Variants in RABGAP1L observed in about 807,000 individuals in gnomAD.
RABGAP1L encodes the protein rab GTPase-activating protein 1-like.
A neutral mutation model predicts 137.7 loss-of-function variants in RABGAP1L; 63 were observed. The observed-to-expected ratio is 0.46, with a 90% confidence interval of 0.37 to 0.56. The LOEUF (loss-of-function observed/expected upper bound fraction) is 0.56, where lower values mean the gene tolerates loss of function less well. RABGAP1L is among the 20% of genes least tolerant of loss of function. The pLI is 0.00. For synonymous variants in RABGAP1L, 431 were observed against 433.7 expected, an observed-to-expected ratio of 0.99 and a Z score of 0.08; for missense variants, 1,095 against 1,244.0, an observed-to-expected ratio of 0.88 and a Z score of 1.80.
intron 17 of RABGAP1L, among the ~76,000 whole-genome samples, chr1:174,743,895 CTG>C (rs980796451): frequency 1.3e-5 from 2 of 151,534 alleles, no homozygotes; most frequent in African/African-American, 2.4e-5. Context: ...TATGAAAAAA[CTG>C]TATAACAAAT....
intron 19 of RABGAP1L, among the ~76,000 whole-genome samples, chr1:174,885,320 A>G (rs557179760): frequency 6.6e-6 from 1 of 152,214 alleles, no homozygotes; most frequent in Admixed American, 6.5e-5. Flanking sequence ...AATTGTCAAT[A>G]TATGTAAAGC....
chr1:174,522,987 G>T (rs147004075), intron 13 of RABGAP1L, among the ~76,000 whole-genome samples: 1 of 152,296 alleles, frequency 6.6e-6, no homozygotes, highest in African/African-American at 2.4e-5. Context: ...ACATCCAGAC[G>T]ATATTAGCTG....
At chr1:174,778,143 G>A (rs1472061922) in intron 18 of RABGAP1L, among the ~76,000 whole-genome samples, 3 of 151,982 alleles carry the variant, frequency 2.0e-5, no homozygotes, top group African/African-American at 7.2e-5. Flanking sequence ...CAGTGATAAA[G>A]GTAAAATCTT....
chr1:174,749,088 A>G (rs1381960334), intron 17 of RABGAP1L, among the ~76,000 whole-genome samples: 1 of 151,670 alleles, frequency 6.6e-6, no homozygotes, highest in Non-Finnish European at 1.5e-5. Flanking sequence ...AGGCACAAGA[A>G]TCGCCTGAAC....
At chr1:174,421,345 C>T (rs1248895980) in intron 13 of RABGAP1L, among the ~76,000 whole-genome samples, 2 of 152,058 alleles carry the variant, frequency 1.3e-5, no homozygotes, top group African/African-American at 4.8e-5. Context: ...TTCACATTTC[C>T]ATCTTTGTTT....
chr1:174,529,698 G>A (rs913524006), intron 13 of RABGAP1L, among the ~76,000 whole-genome samples: 14 of 152,288 alleles, frequency 9.2e-5, no homozygotes, highest in South Asian at 2.1e-4. Flanking sequence ...GGCAGCTAGT[G>A]TGGCATGGGC....
chr1:174,654,388 C>G (rs1247559996), intron 14 of RABGAP1L, among the ~76,000 whole-genome samples: 1 of 152,176 alleles, frequency 6.6e-6, no homozygotes, highest in East Asian at 1.9e-4. Context: ...CATATAAACC[C>G]TAAAAGAGCA....
chr1:174,723,811 C>T (rs1160714779), intron 17 of RABGAP1L, among the ~76,000 whole-genome samples: 2 of 152,152 alleles, frequency 1.3e-5, no homozygotes, highest in Non-Finnish European at 2.9e-5. Flanking sequence ...TTACACACAG[C>T]TCTTTGTACC....
At chr1:174,391,742 G>A (rs1687225309) in intron 12 of RABGAP1L, among the ~76,000 whole-genome samples, 1 of 152,134 alleles carries the variant, frequency 6.6e-6, no homozygotes, top group South Asian at 2.1e-4. Context: ...TATATAACAT[G>A]TAACATATAC....
At chr1:174,855,614 A>C (rs1463979803) in intron 19 of RABGAP1L, among the ~76,000 whole-genome samples, 2 of 152,172 alleles carry the variant, frequency 1.3e-5, no homozygotes, top group East Asian at 3.8e-4. Flanking sequence ...ATTTCATAGG[A>C]TCCTTAAGTA....
chr1:174,276,605 A>G (rs1342483043), intron 9 of RABGAP1L, among the ~76,000 whole-genome samples: 1 of 152,060 alleles, frequency 6.6e-6, no homozygotes, highest in Non-Finnish European at 1.5e-5. Context: ...ATTATTAACT[A>G]TTTTTGCATT....
At chr1:174,634,189 A>C (rs1270481587) in intron 13 of RABGAP1L, among the ~76,000 whole-genome samples, 8 of 141,006 alleles carry the variant, frequency 5.7e-5, no homozygotes, top group Non-Finnish European at 1.2e-4. Context: ...AATTTACAAG[A>C]AAAAAACAAA....
At chr1:174,194,010 C>CTT (rs1273255307) in intron 1 of RABGAP1L, among the ~76,000 whole-genome samples, 152 of 152,108 alleles carry the variant, frequency 1.0e-3, no homozygotes, top group African/African-American at 3.4e-3. Context: ...ACGGAGAGAC[C>CTT]AAGTTACGTG....
At chr1:174,188,860 C>T (rs779453994) in intron 1 of RABGAP1L, among the ~76,000 whole-genome samples, 5 of 152,082 alleles carry the variant, frequency 3.3e-5, no homozygotes, top group Non-Finnish European at 7.4e-5. Flanking sequence ...TTTTTAAGGG[C>T]CGTATGATTT....
At chr1:174,354,543 A>G (rs1683455614) in intron 11 of RABGAP1L, among the ~76,000 whole-genome samples, 1 of 152,222 alleles carries the variant, frequency 6.6e-6, no homozygotes. Context: ...GATATTCCTA[A>G]GTTACTGAAT....
intron 11 of RABGAP1L, among the ~76,000 whole-genome samples, chr1:174,308,258 C>G (rs556309300): frequency 5.3e-5 from 8 of 151,848 alleles, no homozygotes; most frequent in African/African-American, 1.9e-4. Context: ...TATATATACA[C>G]ACACATATAC....
chr1:174,194,092 G>T (rs1035814486), intron 1 of RABGAP1L, among the ~76,000 whole-genome samples: 1 of 152,120 alleles, frequency 6.6e-6, no homozygotes, highest in Non-Finnish European at 1.5e-5. Flanking sequence ...CCAGCATGGG[G>T]TCAACACTGA....
chr1:174,328,309 G>A (rs1431400509), intron 11 of RABGAP1L, among the ~76,000 whole-genome samples: 3 of 151,646 alleles, frequency 2.0e-5, no homozygotes, highest in Non-Finnish European at 4.4e-5. Context: ...ACAAAATAAG[G>A]CTTAACAAAT....
At chr1:174,820,524 A>G (rs1200460669) in intron 19 of RABGAP1L, among the ~76,000 whole-genome samples, 1 of 152,154 alleles carries the variant, frequency 6.6e-6, no homozygotes, top group East Asian at 1.9e-4. Context: ...ATGATGGGAA[A>G]TGGAGTCTAA....
Sources: allele counts gnomAD v4.1 joint callset (sites outside exome capture counted in the v4.1 genomes callset), GRCh38; gene constraint gnomAD v4.1.1; transcripts MANE v1.5; gene names NCBI Gene and HGNC (gene_info 2026-07-23, HGNC 2026-07-21).